The following LRRIQ1 variants were observed in gnomAD, a reference collection of about 807,000 sequenced individuals.
LRRIQ1 encodes leucine rich repeats and IQ motif containing 1.
A neutral mutation model predicts 211.9 loss-of-function variants in LRRIQ1; 210 were observed. The ratio of observed to expected loss-of-function variants is 0.99; its 90% CI spans 0.89 to 1.11. The LOEUF is 1.11. LRRIQ1 is among the 50% of genes most tolerant of loss of function. The pLI is 0.00. For missense variants in LRRIQ1, 2,136 were observed against 1,939.5 expected (o/e 1.10, Z -1.90); for synonymous variants, 699 against 650.1 (o/e 1.08, Z -1.14).
rs968536137 is a variant in LRRIQ1 at position 85,038,080 on chromosome 12, G to A, written c.-24-73G>A. ...AATTAAAACATATTTAAATAAATAT[G>A]TTGGATTGGTATGACAAATTAGAGA... On this transcript the variant is annotated intron_variant, in intron 1 of 26. Coordinates refer to ENST00000393217, the MANE Select transcript of LRRIQ1 (RefSeq NM_001079910.2). 5.7e-5 allele frequency: 57 copies of A among 995,682 alleles called. No individual in the cohort carries two copies. The African/African-American group carries it at 9.0e-4, about 16-fold the overall frequency. The allele number at this position is 995,682 out of a possible 1,614,324, so 61.7% of individuals were successfully genotyped here.
chr12:85,201,395 A>G (rs1162110768), intron 24 of LRRIQ1, among the ~76,000 whole-genome samples: 2 of 151,932 alleles, frequency 1.3e-5, no homozygotes, highest in South Asian at 2.1e-4. Flanking sequence ...TACATTTGGT[A>G]TAATTTGGCT....
At chr12:85,112,318 CAT>C (rs1009609455) in intron 15 of LRRIQ1, among the ~76,000 whole-genome samples, 3 of 151,360 alleles carry the variant, frequency 2.0e-5, no homozygotes, top group Non-Finnish European at 2.9e-5. Flanking sequence ...TTTATTTACA[CAT>C]AGTTTTTAAA....
chr12:85,224,956 G>A (rs927817159), intron 24 of LRRIQ1, among the ~76,000 whole-genome samples: 2 of 151,954 alleles, frequency 1.3e-5, no homozygotes, highest in Non-Finnish European at 2.9e-5. Flanking sequence ...TGAAAATTGT[G>A]TCTCAGTTTT....
chr12:85,240,871 ACTATAAAG>A (rs1403670608), intron 26 of LRRIQ1, among the ~76,000 whole-genome samples: 12 of 152,126 alleles, frequency 7.9e-5, no homozygotes, highest in African/African-American at 2.7e-4. Flanking sequence ...AAAGGATGTG[ACTATAAAG>A]GAGAACAACA....
rs752823335 is a variant in LRRIQ1 at position 85,098,950 on chromosome 12, A to G, written c.3165A>G (p.Ser1055=). ...NSISTVEAFS[S]YWLPLLQNIT... is the part of the protein sequence containing the mutation. The stretch of plus-strand genomic sequence containing the variant: ...TTTCAACTGTGGAAGCATTTTCTTC[A>G]TACTGGCTGCCTTTACTACAAAATA... The change falls in exon 13 of 27, where the codon TCA becomes TCG. Residue 1055 remains serine, a synonymous_variant. Transcript: ENST00000393217. The G allele has an allele frequency of 6.3e-7, 1 of 1,575,376 alleles. No homozygotes were observed.
intron 24 of LRRIQ1, among the ~76,000 whole-genome samples, chr12:85,179,574 T>C (rs367733220): frequency 1.3e-5 from 2 of 152,002 alleles, no homozygotes; most frequent in East Asian, 3.8e-4. Context: ...TTCATCCTTG[T>C]ACTTTCCTCC....
intron 24 of LRRIQ1, among the ~76,000 whole-genome samples, chr12:85,183,625 A>AT (rs1256357826): frequency 5.9e-5 from 9 of 152,222 alleles, no homozygotes; most frequent in Admixed American, 5.9e-4. Flanking sequence ...TAATTATGTG[A>AT]TTTTATCCTG....
intron 24 of LRRIQ1, among the ~76,000 whole-genome samples, chr12:85,172,243 A>G (rs1714192736): frequency 6.6e-6 from 1 of 152,136 alleles, no homozygotes; most frequent in African/African-American, 2.4e-5. Flanking sequence ...TGTCATCTGT[A>G]TCAGGTACCC....
Position 85,150,841 on chromosome 12 carries a change from C to A in LRRIQ1, c.4330-1439C>A, listed in dbSNP as rs1003221274. On this transcript the variant is annotated intron_variant, in intron 19 of 26. Coordinates refer to ENST00000393217, the MANE Select transcript of LRRIQ1 (RefSeq NM_001079910.2). ...TACTGAAATTTGAATTTTTAATTGA[C>A]AAATAAAAATTGTATATGTTTATTG... Among the ~76,000 whole-genome samples the A allele has an allele frequency of 2.6e-5, 4 of 151,440 alleles. No individual in the cohort carries two copies. In the Middle Eastern group the frequency reaches 0.01, roughly 389 times the overall value.
At chr12:85,190,743 G>A (rs931536588) in intron 24 of LRRIQ1, among the ~76,000 whole-genome samples, 9 of 151,712 alleles carry the variant, frequency 5.9e-5, no homozygotes, top group Admixed American at 1.3e-4. Context: ...TGGGCCTCTC[G>A]GAATTTTTGT....
At chr12:85,121,341 ATAGT>A in intron 15 of LRRIQ1, among the ~76,000 whole-genome samples, 1 of 152,186 alleles carries the variant, frequency 6.6e-6, no homozygotes, top group Non-Finnish European at 1.5e-5. Context: ...TAAGATTATT[ATAGT>A]TATCTTCTGT....
downstream of LRRIQ1, among the ~76,000 whole-genome samples, chr12:85,248,573 C>G (rs556297562): frequency 1.3e-5 from 2 of 151,618 alleles, no homozygotes; most frequent in African/African-American, 4.8e-5. Flanking sequence ...CCCACAATAC[C>G]TCTGTAATAG....
At chr12:85,091,785 T>A (rs1033374947) in intron 11 of LRRIQ1, among the ~76,000 whole-genome samples, 2 of 152,158 alleles carry the variant, frequency 1.3e-5, no homozygotes, top group Non-Finnish European at 2.9e-5. Flanking sequence ...TCTTAAAAAA[T>A]TTGTTAAATA....
chr12:85,122,678 A>G (rs1180586313), intron 16 of LRRIQ1, among the ~76,000 whole-genome samples: 1 of 152,110 alleles, frequency 6.6e-6, no homozygotes, highest in African/African-American at 2.4e-5. Flanking sequence ...CCTATGTAAA[A>G]GTTCGTTTTC....
At chr12:85,160,502 C>T in intron 23 of LRRIQ1, 111 bp from the exon 24 acceptor site, 1 of 588,826 alleles carries the variant, frequency 1.7e-6, no homozygotes, top group East Asian at 2.8e-5. Context: ...TTTCATAGAG[C>T]TTTATAAAGT....
intron 1 of LRRIQ1, among the ~76,000 whole-genome samples, chr12:85,258,379 A>G (rs943580719): frequency 6.6e-6 from 1 of 152,028 alleles, no homozygotes; most frequent in Non-Finnish European, 1.5e-5. Flanking sequence ...ATTTTTTATA[A>G]TGTACAAAAA....
intron 17 of LRRIQ1, among the ~76,000 whole-genome samples, chr12:85,127,355 A>G (rs1287023288): frequency 6.6e-6 from 1 of 152,168 alleles, no homozygotes; most frequent in Non-Finnish European, 1.5e-5. Flanking sequence ...CAGAGAAGAA[A>G]GTGAAGCTCC....
chr12:85,264,061 T>A (rs1039330376), exon 2 of LRRIQ1: 1 of 152,098 alleles, frequency 6.6e-6, no homozygotes. Context: ...TGAACTTTAG[T>A]ATTTTTTTGT....
intron 24 of LRRIQ1, among the ~76,000 whole-genome samples, chr12:85,205,368 G>A (rs1893490932): frequency 6.6e-6 from 1 of 152,130 alleles, no homozygotes; most frequent in Non-Finnish European, 1.5e-5. Context: ...AAGCTTACTT[G>A]GACTGGATAT....
Sources: gnomAD v4.1 joint callset for allele counts (sites outside exome capture counted in the v4.1 genomes callset) on GRCh38, gnomAD v4.1.1 for gene constraint, MANE v1.5 for transcripts, NCBI Gene and HGNC (gene_info 2026-07-23, HGNC 2026-07-21) for gene names.